Variants in TBC1D1 observed in about 807,000 individuals in gnomAD.
TBC1D1 encodes TBC1 (tre-2/USP6, BUB2, cdc16) domain family, member 1.
TBC1D1 carries 89 observed loss-of-function variants against 125.6 expected under a neutral mutation model. The observed-to-expected ratio is 0.71, with a 90% CI of 0.60 to 0.85. The LOEUF is 0.85. TBC1D1 is among the 40% of genes least tolerant of loss of function. TBC1D1 has a pLI of 0.00. For missense variants in TBC1D1, 1,377 were observed against 1,469.2 expected (o/e 0.94, Z 1.03); for synonymous variants, 565 against 564.1 (o/e 1.00, Z -0.02).
intron 15 of TBC1D1, chr4:38,110,155 T>C: frequency 1.0e-6 from 1 of 973,148 alleles, no homozygotes; most frequent in Non-Finnish European, 1.2e-6. Flanking sequence ...AGCCGAGATA[T>C]CAGGAGTCTC....
intron 2 of TBC1D1, among the ~76,000 whole-genome samples, chr4:37,917,977 G>T (rs1400465952): frequency 6.6e-6 from 1 of 152,142 alleles, no homozygotes; most frequent in Non-Finnish European, 1.5e-5. Context: ...TGAGGAGCTG[G>T]CATGACTTAG....
At chr4:38,120,853 C>T (rs1327625905) in intron 17 of TBC1D1, among the ~76,000 whole-genome samples, 2 of 152,130 alleles carry the variant, frequency 1.3e-5, no homozygotes, top group African/African-American at 4.8e-5. Flanking sequence ...ATCTAAAAAA[C>T]AGGACCTGGC....
chr4:37,905,382 T>C lies in TBC1D1; in HGVS notation c.417+2870T>C, dbSNP rs143574280. Among the ~76,000 whole-genome samples the C allele has an allele frequency of 6.0e-3, 907 of 152,364 alleles. 8 individuals are homozygous for C. Among genetic ancestry groups the C allele is most frequent in the African/African-American group, 0.021 (871 of 41,578 alleles). On this transcript the variant is annotated intron_variant, in intron 2 of 19. Coordinates refer to ENST00000261439, the MANE Select transcript of TBC1D1 (RefSeq NM_015173.4). ...GGAATTTAACCATGTTTATACAGTC[T>C]TTTATACATTATTAACTGGAGAAAA... is the stretch of plus-strand genomic sequence containing the variant.
intron 2 of TBC1D1, among the ~76,000 whole-genome samples, chr4:37,998,593 G>T (rs745367970): frequency 6.6e-5 from 10 of 152,118 alleles, no homozygotes; most frequent in Non-Finnish European, 1.2e-4. Flanking sequence ...CTTTGCACGT[G>T]GTCAGTCTCC....
chr4:38,049,319 T>C (rs1175917510), intron 10 of TBC1D1, among the ~76,000 whole-genome samples: 1 of 152,218 alleles, frequency 6.6e-6, no homozygotes, highest in Admixed American at 6.5e-5. Context: ...TCCTGTTTTC[T>C]AGAGAGAGGG....
intron 2 of TBC1D1, among the ~76,000 whole-genome samples, chr4:37,961,315 T>C (rs1327267451): frequency 1.3e-5 from 2 of 151,776 alleles, no homozygotes; most frequent in Non-Finnish European, 2.9e-5. Context: ...TTCTACATCT[T>C]TTCTTCCCAG....
intron 2 of TBC1D1, among the ~76,000 whole-genome samples, chr4:37,947,885 T>TAA (rs771795001): frequency 1.0e-4 from 15 of 143,816 alleles, no homozygotes; most frequent in Non-Finnish European, 2.0e-4. Flanking sequence ...CAGTTCATTG[T>TAA]AAAAAAAAAA....
rs1173030489 is a variant in TBC1D1 at position 38,115,658 on chromosome 4, G to A, written c.2558-52G>A. ...AGCACATTGGATTTCTGGTTCAATA[G>A]GCTTTCTTTTTTTGTTTTTATTATT... On this transcript the variant is annotated intron_variant, in intron 15 of 19. Coordinates refer to ENST00000261439, the MANE Select transcript of TBC1D1 (RefSeq NM_015173.4). 8 of 1,561,896 alleles carry A rather than the reference G, an allele frequency of 5.1e-6. No individual in the cohort carries two copies. In the East Asian group the frequency reaches 1.8e-4, roughly 35 times the overall value.
intron 17 of TBC1D1, among the ~76,000 whole-genome samples, chr4:38,119,636 T>A (rs749128400): frequency 6.6e-6 from 1 of 152,236 alleles, no homozygotes; most frequent in Non-Finnish European, 1.5e-5. Flanking sequence ...ATAACTTCTA[T>A]GTTTTTGACT....
At chr4:38,051,847 C>T (rs1448876011) in intron 11 of TBC1D1, 52 bp from the exon 12 acceptor site, 11 of 1,521,392 alleles carry the variant, frequency 7.2e-6, no homozygotes, top group African/African-American at 2.8e-5. Context: ...GTGTCCCTGT[C>T]GGCGCCCCCT....
chr4:38,008,809 C>T (rs547070239), intron 2 of TBC1D1, among the ~76,000 whole-genome samples: 2 of 152,300 alleles, frequency 1.3e-5, no homozygotes, highest in African/African-American at 4.8e-5. Context: ...GCCTTCTGTG[C>T]CTTCGCCCAT....
chr4:38,112,075 G>A (rs1762285988), intron 15 of TBC1D1: 1 of 985,412 alleles, frequency 1.0e-6, no homozygotes, highest in Non-Finnish European at 1.2e-6. Context: ...TTCTGAAACT[G>A]CATCCTGGAA....
chr4:38,018,327 G>C, intron 3 of TBC1D1, 27 bp from the exon 4 acceptor site: 1 of 1,541,702 alleles, frequency 6.5e-7, no homozygotes, highest in Non-Finnish European at 8.9e-7. Context: ...AGTTTGAAAA[G>C]CTAGATTTTT....
At chr4:37,926,813 G>A (rs564557916) in intron 2 of TBC1D1, among the ~76,000 whole-genome samples, 29 of 152,256 alleles carry the variant, frequency 1.9e-4, no homozygotes, top group Non-Finnish European at 3.7e-4. Context: ...TTGTCTACAG[G>A]TGCTTGAAAT....
At chr4:38,045,309 A>AT (rs1560681821) in intron 9 of TBC1D1, among the ~76,000 whole-genome samples, 2 of 152,148 alleles carry the variant, frequency 1.3e-5, no homozygotes, top group African/African-American at 4.8e-5. Context: ...ATTTTATTTT[A>AT]TTTTTTAATT....
chr4:38,123,479 G>A (rs1764172140), intron 17 of TBC1D1, among the ~76,000 whole-genome samples: 1 of 152,174 alleles, frequency 6.6e-6, no homozygotes, highest in African/African-American at 2.4e-5. Flanking sequence ...ATATTTCAGA[G>A]GAATATTCTT....
rs1296574532 is a variant in TBC1D1, at chr4:38,089,954, T to G, written c.2073T>G (p.Leu691=). 1.3e-6 allele frequency: 2 copies of G among 1,593,144 alleles called. No individual in the cohort carries two copies. Among genetic ancestry groups the G allele is most frequent in the South Asian group, 2.3e-5 (2 of 87,776 alleles). ...CAGATTATTCAGAGCTGGGAGAGCTTCCCCCACGATCTCCTTTAGAACCAG... is the reference window on the plus strand; with the variant it reads ...CAGATTATTCAGAGCTGGGAGAGCTGCCCCCACGATCTCCTTTAGAACCAG... Residue 691 remains leucine, a synonymous_variant, in exon 13 of 20, where the codon CTT becomes CTG. Coordinates refer to ENST00000261439, the MANE Select transcript of TBC1D1 (RefSeq NM_015173.4).
intron 7 of TBC1D1, among the ~76,000 whole-genome samples, chr4:38,032,717 C>T (rs889881394): frequency 2.0e-5 from 3 of 151,766 alleles, no homozygotes; most frequent in Admixed American, 6.6e-5. Flanking sequence ...TGCCTGTAGT[C>T]CCAACTATTT....
At chr4:38,040,125 C>A (rs1748064127) in intron 8 of TBC1D1, among the ~76,000 whole-genome samples, 1 of 152,152 alleles carries the variant, frequency 6.6e-6, no homozygotes, top group Non-Finnish European at 1.5e-5. Context: ...GTGGAAAAGA[C>A]TCTTTTTTGA....
Sources: allele counts gnomAD v4.1 joint callset (sites outside exome capture counted in the v4.1 genomes callset), GRCh38; gene constraint gnomAD v4.1.1; transcripts MANE v1.5; gene names NCBI Gene and HGNC (gene_info 2026-07-23, HGNC 2026-07-21).